Variants in ZNF573 observed in about 807,000 individuals in gnomAD.
The protein encoded by ZNF573 is zinc finger protein 573.
ZNF573 carries 41 observed loss-of-function variants against 57.4 expected under a neutral mutation model. The observed-to-expected ratio is 0.71, with a 90% CI of 0.56 to 0.93. ZNF573 has a LOEUF of 0.93. Among genes scored for constraint, ZNF573 ranks in the 40% least tolerant of loss-of-function variants. ZNF573 has a pLI of 0.00. For missense variants in ZNF573, 730 were observed against 794.8 expected, an observed-to-expected ratio of 0.92 and a Z score of 0.98; for synonymous variants, 249 against 261.0, an observed-to-expected ratio of 0.95 and a Z score of 0.44.
intron 4 of ZNF573, among the ~76,000 whole-genome samples, chr19:37,751,773 T>C (rs544543627): frequency 5.7e-5 from 6 of 105,730 alleles, no homozygotes; most frequent in African/African-American, 2.0e-4. Flanking sequence ...ATATAGTACA[T>C]AGTACCGTAT....
At position 37,739,141 on chromosome 19, in the gene ZNF573, GT is replaced by G. The variant is rs751020931; in HGVS notation, c.1348del (p.Thr450ProfsTer74). ...AGTAAGATTTCTATACAAAGTAAAG[GT>G]TTTTTTACACTCCTTACATTCAAAG... ...KHFECKECKK[T>X]FTLYRNLTRH... On this transcript the variant is annotated frameshift_variant, in exon 5 of 5. Transcript: ENST00000536220. LOFTEE classifies it high-confidence loss of function. 39 of 1,613,072 alleles carry G rather than the reference GT, an allele frequency of 2.4e-5. No homozygotes were observed. In the East Asian group the frequency reaches 8.5e-4, roughly 35 times the overall value.
rs35400830 is a variant in ZNF573 at position 37,748,926 on chromosome 19, C to CA, written c.296-8733dup. ...TGGGCGACAGAGCAAGACTTGGTCTCAAAAAAAAAAAAAAAAAAAAAAGCC... is the reference window on the plus strand; with the variant it reads ...TGGGCGACAGAGCAAGACTTGGTCTCAAAAAAAAAAAAAAAAAAAAAAAGCC... On this transcript the variant is annotated intron_variant, in intron 4 of 4. Coordinates refer to ENST00000536220, the MANE Select transcript of ZNF573 (RefSeq NM_001172690.2). Among the ~76,000 whole-genome samples, 479 of 70,400 alleles carry CA rather than the reference C, an allele frequency of 6.8e-3. 2 individuals are homozygous for CA. The highest frequency in any genetic ancestry group is 0.03 in the South Asian group (53 of 1,782). 46.2% of individuals were successfully genotyped at this position (70,400 alleles called of 152,430 possible). A position where few individuals can be genotyped will look rare whatever the true frequency, so the allele number is the denominator to read the frequency against.
At chr19:37,768,095 TAAA>T (rs988042211) in intron 4 of ZNF573, among the ~76,000 whole-genome samples, 2 of 151,768 alleles carry the variant, frequency 1.3e-5, no homozygotes, top group African/African-American at 4.8e-5. Flanking sequence ...TATATTAAAA[TAAA>T]AAAAAATTTT....
chr19:37,758,357 T>C (rs924324060), intron 4 of ZNF573: 5 of 147,502 alleles, frequency 3.4e-5, no homozygotes, highest in African/African-American at 9.9e-5. Flanking sequence ...TCCCAGCACT[T>C]TGGGAGGCAG....
rs1035165762 is a variant in ZNF573 at position 37,738,340 on chromosome 19, C to T, written c.*152G>A. The T allele has an allele frequency of 9.0e-6, 4 of 443,576 alleles. No homozygotes were observed. Among genetic ancestry groups the T allele is most frequent in the East Asian group, 6.4e-5 (1 of 15,554 alleles). 27.5% of individuals were successfully genotyped at this position (443,576 alleles called of 1,614,324 possible). The stretch of plus-strand genomic sequence containing the variant: ...TGAATAGTCAGATATTCCATTAAAA[C>T]AGGACTGACATTGAATGCTTTCTAA... On this transcript the variant is annotated 3_prime_UTR_variant, in exon 5 of 5. Transcript: ENST00000536220.
chr19:37,738,941 G>C lies in ZNF573; in HGVS notation c.1549C>G (p.Gln517Glu). 6.2e-7 allele frequency: 1 copy of C among 1,610,660 alleles called. No homozygotes were observed. Among genetic ancestry groups the C allele is most frequent in the Non-Finnish European group, 8.5e-7 (1 of 1,177,092 alleles). ...GGTTTCATACCAGTATGAATTTTCT[G>C]ATGTTGATTAAGATATCCATGCAAG... is the stretch of plus-strand genomic sequence containing the variant. ...FSLHGYLNQH[Q>E]KIHTGMKPYE... Residue 517 changes from glutamine to glutamate, a missense_variant, in exon 5 of 5, where the codon CAG (glutamine) becomes GAG (glutamate). Transcript: ENST00000536220.
chr19:37,753,660 T>C (rs1315287266), intron 4 of ZNF573, among the ~76,000 whole-genome samples: 1 of 152,174 alleles, frequency 6.6e-6, no homozygotes, highest in Non-Finnish European at 1.5e-5. Flanking sequence ...AAAGCCACTA[T>C]GTATACCAAG....
chr19:37,752,067 C>T (rs1290872300), intron 4 of ZNF573, among the ~76,000 whole-genome samples: 3 of 151,156 alleles, frequency 2.0e-5, no homozygotes, highest in East Asian at 3.9e-4. Context: ...GACAGAAAGA[C>T]TATGTGTGTA....
At chr19:37,770,335 C>T (rs538646651) in intron 3 of ZNF573, 19 of 378,006 alleles carry the variant, frequency 5.0e-5, no homozygotes, top group Non-Finnish European at 8.5e-5. Flanking sequence ...AATATTACCA[C>T]CCCAAAGTAG....
chr19:37,745,766 T>C (rs533791383), intron 4 of ZNF573, among the ~76,000 whole-genome samples: 6 of 152,340 alleles, frequency 3.9e-5, no homozygotes, highest in African/African-American at 1.4e-4. Context: ...CATAGAGGAT[T>C]TCTTAATGTT....
Position 37,751,963 on chromosome 19 carries a change from T to C in ZNF573, c.296-11769A>G, listed in dbSNP as rs1429092757. ...ACTGTATATAGTACATAGTATCGTA[T>C]ATATACTGTATATAGTACATAGTAC... On this transcript the variant is annotated intron_variant, in intron 4 of 4. Coordinates refer to ENST00000536220, the MANE Select transcript of ZNF573 (RefSeq NM_001172690.2). Among the ~76,000 whole-genome samples, 3 of 133,868 alleles carry C rather than the reference T, an allele frequency of 2.2e-5. No homozygotes were observed. The East Asian group carries it at 6.2e-4, about 28-fold the overall frequency. 87.8% of individuals were successfully genotyped at this position (133,868 alleles called of 152,430 possible).
At chr19:37,759,952 G>A (rs1433021294) in intron 4 of ZNF573, among the ~76,000 whole-genome samples, 6 of 152,152 alleles carry the variant, frequency 3.9e-5, no homozygotes, top group Non-Finnish European at 8.8e-5. Flanking sequence ...ATGAAATGGA[G>A]AAGATTATTT....
At chr19:37,778,467 G>A (rs912618279) in intron 1 of ZNF573, 1 of 151,434 alleles carries the variant, frequency 6.6e-6, no homozygotes, top group African/African-American at 2.4e-5. Context: ...CTCCTAAAAT[G>A]GTGCGATTAC....
Position 37,739,995 on chromosome 19 carries a change from T to G in ZNF573, c.495A>C (p.Lys165Asn), listed in dbSNP as rs780115588. The G allele has an allele frequency of 6.2e-7, 1 of 1,614,184 alleles. No homozygotes were observed. The highest frequency in any genetic ancestry group is 1.1e-5 in the South Asian group (1 of 91,084). Residue 165 changes from lysine to asparagine, a missense_variant, in exon 5 of 5, where the codon AAA becomes AAC. Transcript: ENST00000536220. ...CACTACGAAAGTTCTTCCCACACTC[T>G]TTGCATTCATAGGGTCTCTCAATGA... ...FHVIERPYECKECGKNFRSGY... is the reference protein window; with the variant it reads ...FHVIERPYECNECGKNFRSGY...
intron 4 of ZNF573, among the ~76,000 whole-genome samples, chr19:37,767,788 G>A (rs541970551): frequency 1.3e-5 from 2 of 152,204 alleles, no homozygotes; most frequent in African/African-American, 4.8e-5. Flanking sequence ...TAGAATGGAA[G>A]ATGTTTCTTC....
At chr19:37,744,595 G>C (rs182255853) in intron 4 of ZNF573, among the ~76,000 whole-genome samples, 1 of 151,788 alleles carries the variant, frequency 6.6e-6, no homozygotes, top group East Asian at 2.0e-4. Flanking sequence ...TAAAAACTTG[G>C]CTGGGCATGG....
chr19:37,770,004 C>T lies in ZNF573; in HGVS notation c.295+1G>A. On this transcript the variant is annotated splice_donor_variant, in intron 4 of 4. Coordinates refer to ENST00000536220, the MANE Select transcript of ZNF573 (RefSeq NM_001172690.2). LOFTEE classifies it high-confidence loss of function. ...CTGATGGTGTCCCCTGCCTTCCTTA[C>T]CTGTGAACTGTGTTTCTTCCCTCAA... 6.4e-7 allele frequency: 1 copy of T among 1,551,394 alleles called. No homozygotes were observed. The highest frequency in any genetic ancestry group is 1.2e-5 in the South Asian group (1 of 84,048).
chr19:37,758,202 A>AAT (rs550290940), intron 4 of ZNF573, among the ~76,000 whole-genome samples: 17 of 17,180 alleles, frequency 9.9e-4, no homozygotes, highest in African/African-American at 1.3e-3. Flanking sequence ...AGTATAATAA[A>AAT]ATATATATAT....
chr19:37,756,650 A>C (rs989481139), intron 4 of ZNF573, among the ~76,000 whole-genome samples: 1 of 152,132 alleles, frequency 6.6e-6, no homozygotes, highest in Non-Finnish European at 1.5e-5. Flanking sequence ...TGCATTCGGT[A>C]AGGAATCTGT....
Sources: gnomAD v4.1 joint callset for allele counts (sites outside exome capture counted in the v4.1 genomes callset) on GRCh38, gnomAD v4.1.1 for gene constraint, MANE v1.5 for transcripts, NCBI Gene and HGNC (gene_info 2026-07-23, HGNC 2026-07-21) for gene names.